The following ZDHHC20 variants were observed in gnomAD, a reference collection of about 807,000 sequenced individuals.
The protein encoded by ZDHHC20 is palmitoyltransferase ZDHHC20.
In ZDHHC20, 43 loss-of-function variants were observed where a neutral mutation model predicts 57.8. The ratio of observed to expected loss-of-function variants is 0.74; its 90% CI spans 0.58 to 0.96. The LOEUF (loss-of-function observed/expected upper bound fraction) is 0.96. Ranked by LOEUF, ZDHHC20 falls within the 40% of genes least tolerant of loss-of-function variation. The pLI, the probability that ZDHHC20 is intolerant of heterozygous loss-of-function variation, is 0.00. For missense variants in ZDHHC20, 391 were observed against 441.1 expected (o/e 0.89, Z 1.02); for synonymous variants, 157 against 153.0 (o/e 1.03, Z -0.19).
intron 1 of ZDHHC20, among the ~76,000 whole-genome samples, chr13:21,437,453 G>A (rs977569023): frequency 6.0e-4 from 92 of 152,212 alleles, no homozygotes; most frequent in Non-Finnish European, 1.2e-4. Flanking sequence ...TTTATTGGAA[G>A]AAGAGGTCAC....
chr13:21,449,943 T>G (rs1198868943), intron 1 of ZDHHC20, among the ~76,000 whole-genome samples: 9 of 152,130 alleles, frequency 5.9e-5, no homozygotes, highest in Admixed American at 5.9e-4. Flanking sequence ...GTGCAAATTA[T>G]TATAGTCATG....
At chr13:21,395,839 C>A (rs1029481184) in intron 7 of ZDHHC20, among the ~76,000 whole-genome samples, 1 of 152,094 alleles carries the variant, frequency 6.6e-6, no homozygotes, top group Non-Finnish European at 1.5e-5. Context: ...GCTCTGGCAT[C>A]TGGGGCCTCA....
intron 2 of ZDHHC20, among the ~76,000 whole-genome samples, chr13:21,424,085 A>G (rs1399153904): frequency 6.6e-6 from 1 of 152,196 alleles, no homozygotes; most frequent in Non-Finnish European, 1.5e-5. Context: ...TAGATAAAAT[A>G]AAGCTCTTAA....
intron 1 of ZDHHC20, among the ~76,000 whole-genome samples, chr13:21,449,359 G>C (rs957040913): frequency 1.4e-4 from 22 of 152,226 alleles, no homozygotes; most frequent in African/African-American, 4.6e-4. Flanking sequence ...CTCGAATGGG[G>C]TGGGAGTCTA....
intron 1 of ZDHHC20, among the ~76,000 whole-genome samples, chr13:21,445,799 A>T (rs1449973079): frequency 2.0e-5 from 3 of 152,228 alleles, no homozygotes; most frequent in Non-Finnish European, 4.4e-5. Flanking sequence ...CTGTATGTCA[A>T]GTAATAATAG....
At chr13:21,444,780 G>A (rs1262739465) in intron 1 of ZDHHC20, among the ~76,000 whole-genome samples, 14 of 152,100 alleles carry the variant, frequency 9.2e-5, no homozygotes, top group Admixed American at 9.2e-4. Flanking sequence ...ATAGGGCTGG[G>A]CACAGTGGCT....
chr13:21,408,658 A>G (rs886085636), intron 4 of ZDHHC20, among the ~76,000 whole-genome samples: 4 of 152,090 alleles, frequency 2.6e-5, no homozygotes, highest in Non-Finnish European at 4.4e-5. Flanking sequence ...GTTGAATAGG[A>G]GTGGTGAGAG....
rs1437072457 is a variant in ZDHHC20, at chr13:21,448,618, C to T, written c.118+10436G>A. Among the ~76,000 whole-genome samples the T allele has an allele frequency of 1.7e-3, 164 of 96,244 alleles. 10 individuals carry two copies. Among genetic ancestry groups the T allele is most frequent in the African/African-American group, 4.9e-3 (153 of 30,914 alleles). The allele number at this position is 96,244 out of a possible 152,430, so 63.1% of individuals were successfully genotyped here. The stretch of plus-strand genomic sequence containing the variant: ...TGGGGGGGTCAGCCCCCTGCCCGGC[C>T]GGCCGCCCCGTCCGGGAGGTGAGGG... On this transcript the variant is annotated intron_variant, in intron 1 of 12. Coordinates refer to ENST00000400590, the MANE Select transcript of ZDHHC20 (RefSeq NM_001330059.2).
intron 1 of ZDHHC20, among the ~76,000 whole-genome samples, chr13:21,438,387 C>T (rs1882771575): frequency 6.6e-6 from 1 of 152,112 alleles, no homozygotes; most frequent in South Asian, 2.1e-4. Context: ...AAGCTGATTC[C>T]AGTCCAAGAT....
intron 1 of ZDHHC20, among the ~76,000 whole-genome samples, chr13:21,457,036 G>C (rs1408072110): frequency 1.3e-5 from 2 of 152,196 alleles, no homozygotes; most frequent in African/African-American, 4.8e-5. Context: ...TACCTATGCT[G>C]TGACATACTG....
intron 1 of ZDHHC20, among the ~76,000 whole-genome samples, chr13:21,443,921 G>T (rs1181569509): frequency 6.6e-6 from 1 of 152,140 alleles, no homozygotes; most frequent in Admixed American, 6.5e-5. Flanking sequence ...CCTGCAGTTA[G>T]GGAGGCCAAG....
intron 1 of ZDHHC20, among the ~76,000 whole-genome samples, chr13:21,448,716 G>A (rs1414308947): frequency 1.0e-5 from 1 of 99,164 alleles, no homozygotes; most frequent in African/African-American, 3.1e-5. Context: ...TCTGGGAGGT[G>A]TGCCCAACAG....
chr13:21,420,111 A>T (rs1022978810), intron 3 of ZDHHC20, among the ~76,000 whole-genome samples: 1 of 152,146 alleles, frequency 6.6e-6, no homozygotes, highest in Non-Finnish European at 1.5e-5. Flanking sequence ...ACATGGGGAA[A>T]TCCCGTCTCT....
At chr13:21,416,893 A>G (rs959644358) in intron 3 of ZDHHC20, among the ~76,000 whole-genome samples, 1 of 152,250 alleles carries the variant, frequency 6.6e-6, no homozygotes, top group Admixed American at 6.5e-5. Flanking sequence ...GATTTGGTGT[A>G]CCATGCAAAC....
chr13:21,379,801 A>G (rs971812364), intron 11 of ZDHHC20, among the ~76,000 whole-genome samples: 2 of 142,292 alleles, frequency 1.4e-5, no homozygotes, highest in African/African-American at 5.1e-5. Flanking sequence ...AAATATATTC[A>G]GTGTGCTCTT....
chr13:21,420,043 T>C (rs1880470519), intron 3 of ZDHHC20, among the ~76,000 whole-genome samples: 1 of 152,152 alleles, frequency 6.6e-6, no homozygotes, highest in Admixed American at 6.6e-5. Flanking sequence ...TCCCAGCACT[T>C]TGGGAGGCTG....
intron 7 of ZDHHC20, among the ~76,000 whole-genome samples, chr13:21,392,509 C>T (rs555524262): frequency 1.3e-5 from 2 of 152,136 alleles, no homozygotes; most frequent in South Asian, 4.1e-4. Flanking sequence ...GTCTACAGAG[C>T]CTTTGTGCAT....
intron 7 of ZDHHC20, among the ~76,000 whole-genome samples, chr13:21,395,521 A>AGTCTTGCTCTGTCGCCAGGTCT (rs1876641847): frequency 1.6e-5 from 2 of 128,320 alleles, no homozygotes; most frequent in Non-Finnish European, 3.3e-5. Flanking sequence ...TTTGAGACAG[A>AGTCTTGCTCTGTCGCCAGGTCT]GTCTTGCTCT....
At chr13:21,416,282 A>G (rs1362894588) in intron 3 of ZDHHC20, among the ~76,000 whole-genome samples, 3 of 152,048 alleles carry the variant, frequency 2.0e-5, no homozygotes, top group Non-Finnish European at 4.4e-5. Flanking sequence ...AAGAGACATC[A>G]GAATTTTAGA....
Sources: gnomAD v4.1 joint callset for allele counts (sites outside exome capture counted in the v4.1 genomes callset) on GRCh38, gnomAD v4.1.1 for gene constraint, MANE v1.5 for transcripts, NCBI Gene and HGNC (gene_info 2026-07-23, HGNC 2026-07-21) for gene names.